Variants in RGS6 observed in about 807,000 individuals in gnomAD.
RGS6 encodes the protein regulator of G protein signaling 6, also known as regulator of G-protein signaling 6.
Under a neutral mutation model 78.5 loss-of-function variants are expected in RGS6, and 30 were observed. The observed-to-expected ratio is 0.38, with a 90% CI of 0.29 to 0.52. The LOEUF (loss-of-function observed/expected upper bound fraction) is 0.52. RGS6 is among the 20% of genes least tolerant of loss of function. The pLI, the probability that RGS6 is intolerant of heterozygous loss-of-function variation, is 0.85. For missense variants in RGS6, 495 were observed against 609.7 expected, an observed-to-expected ratio of 0.81 and a Z score of 1.98; for synonymous variants, 206 against 206.0, an observed-to-expected ratio of 1.00 and a Z score of 0.00.
intron 2 of RGS6, among the ~76,000 whole-genome samples, chr14:72,155,162 T>TGA (rs1224064412): frequency 7.2e-5 from 11 of 152,208 alleles, no homozygotes; most frequent in Non-Finnish European, 1.2e-4. Flanking sequence ...CCTGTCACTT[T>TGA]GAGTCACAGC....
At chr14:71,948,016 C>A (rs2091786438) in intron 1 of RGS6, among the ~76,000 whole-genome samples, 1 of 152,146 alleles carries the variant, frequency 6.6e-6, no homozygotes, top group East Asian at 1.9e-4. Context: ...AAGCAAAATC[C>A]AAGTATCTCG....
At chr14:72,556,973 G>T (rs567958646) in intron 17 of RGS6, among the ~76,000 whole-genome samples, 1 of 152,122 alleles carries the variant, frequency 6.6e-6, no homozygotes, top group Non-Finnish European at 1.5e-5. Context: ...AAGCCCCTGC[G>T]AGAGTTGAGG....
the RGS6 span, among the ~76,000 whole-genome samples, chr14:71,921,841 A>G: frequency 6.6e-6 from 1 of 152,166 alleles, no homozygotes. Context: ...GCGATTTTTG[A>G]TAGGATGGAA....
chr14:72,150,658 G>A (rs577386824), intron 2 of RGS6, among the ~76,000 whole-genome samples: 126 of 152,062 alleles, frequency 8.3e-4, no homozygotes, highest in South Asian at 4.6e-3. Flanking sequence ...AAGAGAAATT[G>A]CTGCGAGGTG....
chr14:72,356,464 C>T (rs1000389868), intron 3 of RGS6, among the ~76,000 whole-genome samples: 32 of 152,054 alleles, frequency 2.1e-4, no homozygotes, highest in African/African-American at 7.5e-4. Context: ...AGTCTCAGAT[C>T]ATTCTTTATA....
intron 2 of RGS6, among the ~76,000 whole-genome samples, chr14:72,029,658 A>G (rs763065551): frequency 2.0e-5 from 3 of 152,162 alleles, no homozygotes; most frequent in Non-Finnish European, 4.4e-5. Flanking sequence ...TGTGATAAAT[A>G]TGTTCCAAAG....
At chr14:72,049,728 T>TTGC (rs2093107106) in intron 2 of RGS6, among the ~76,000 whole-genome samples, 1 of 152,220 alleles carries the variant, frequency 6.6e-6, no homozygotes, top group Non-Finnish European at 1.5e-5. Context: ...TCTGCCTTAT[T>TTGC]TGCTGATTGA....
the RGS6 span, among the ~76,000 whole-genome samples, chr14:71,891,741 T>C: frequency 6.6e-6 from 1 of 152,198 alleles, no homozygotes; most frequent in Non-Finnish European, 1.5e-5. Context: ...CTGAGCACTC[T>C]CTAGGGATTC....
intron 12 of RGS6, among the ~76,000 whole-genome samples, chr14:72,479,083 G>A (rs1397134516): frequency 6.6e-6 from 1 of 152,132 alleles, no homozygotes; most frequent in Non-Finnish European, 1.5e-5. Flanking sequence ...GCTTAAGTTG[G>A]GTCTTGGTAT....
intron 2 of RGS6, among the ~76,000 whole-genome samples, chr14:72,005,642 G>A (rs1244261898): frequency 2.0e-5 from 3 of 152,034 alleles, no homozygotes; most frequent in African/African-American, 4.8e-5. Context: ...TTTTAAAAAA[G>A]CTTTTAATAT....
intron 4 of RGS6, 93 bp from the exon 5 acceptor site, chr14:72,458,178 G>T: frequency 1.1e-6 from 1 of 907,108 alleles, no homozygotes; most frequent in African/African-American, 1.6e-5. Flanking sequence ...GACATCTGGG[G>T]GTGATGACAG....
intron 3 of RGS6, among the ~76,000 whole-genome samples, chr14:72,399,730 T>A (rs1005582050): frequency 1.3e-5 from 2 of 152,184 alleles, no homozygotes; most frequent in African/African-American, 4.8e-5. Context: ...GGCCTGGTGG[T>A]GACAAAATCT....
chr14:72,604,416 T>A, the RGS6 span, among the ~76,000 whole-genome samples: 2 of 152,210 alleles, frequency 1.3e-5, no homozygotes, highest in African/African-American at 4.8e-5. Context: ...CTACAGATGA[T>A]CTCCCTTCCT....
chr14:71,931,433 T>C (rs926151835), upstream of RGS6, among the ~76,000 whole-genome samples: 1 of 152,168 alleles, frequency 6.6e-6, no homozygotes, highest in African/African-American at 2.4e-5. Flanking sequence ...AATGAATACA[T>C]CCATTAATCA....
intron 3 of RGS6, among the ~76,000 whole-genome samples, chr14:72,363,251 G>T (rs1207534024): frequency 1.3e-5 from 2 of 152,200 alleles, no homozygotes; most frequent in African/African-American, 4.8e-5. Context: ...TCCATGAAGT[G>T]GATGGAAGTT....
At chr14:72,491,502 G>T (rs893739659) in intron 12 of RGS6, among the ~76,000 whole-genome samples, 3 of 152,086 alleles carry the variant, frequency 2.0e-5, no homozygotes, top group African/African-American at 4.8e-5. Flanking sequence ...AACTCACAAG[G>T]TTAACAAACT....
chr14:72,459,568 G>A (rs777878930), intron 5 of RGS6, 64 bp from the exon 6 acceptor site: 14 of 1,510,954 alleles, frequency 9.3e-6, no homozygotes, highest in Non-Finnish European at 1.3e-5. Context: ...GCTCCTCCCT[G>A]GGTGTGGGAG....
the RGS6 span, among the ~76,000 whole-genome samples, chr14:72,586,747 G>A: frequency 1.3e-5 from 2 of 152,100 alleles, no homozygotes; most frequent in African/African-American, 4.8e-5. Context: ...ATGGCCTGAT[G>A]CCTTGTCTGC....
chr14:72,629,695 C>A, the RGS6 span: 1 of 1,536,080 alleles, frequency 6.5e-7, no homozygotes, highest in South Asian at 1.2e-5. Context: ...GTCTTGACAG[C>A]CTCGGTCATG....
Sources: gnomAD v4.1 joint callset for allele counts (sites outside exome capture counted in the v4.1 genomes callset) on GRCh38, gnomAD v4.1.1 for gene constraint, MANE v1.5 for transcripts, NCBI Gene and HGNC (gene_info 2026-07-23, HGNC 2026-07-21) for gene names.